Variants in FHIT observed in about 807,000 individuals in gnomAD.
The protein encoded by FHIT is bis(5'-adenosyl)-triphosphatase.
Under a neutral mutation model 17.9 loss-of-function variants are expected in FHIT, and 19 were observed. The observed-to-expected ratio is 1.06, with a 90% confidence interval of 0.74 to 1.56. The LOEUF is 1.56. FHIT is among the 40% of genes most tolerant of loss of function. FHIT has a pLI of 0.00. For synonymous variants in FHIT, 81 were observed against 69.7 expected, an observed-to-expected ratio of 1.16 and a Z score of -0.81; for missense variants, 248 against 189.2, an observed-to-expected ratio of 1.31 and a Z score of -1.82.
At chr3:61,169,125 A>G (rs778293745) in intron 2 of FHIT, among the ~76,000 whole-genome samples, 2 of 152,140 alleles carry the variant, frequency 1.3e-5, no homozygotes, top group Non-Finnish European at 2.9e-5. Context: ...CACATCATCT[A>G]TAAACACACT....
intron 8 of FHIT, 72 bp from the exon 9 acceptor site, chr3:59,752,393 T>TG (rs1700965171): frequency 8.4e-7 from 1 of 1,187,776 alleles, no homozygotes; most frequent in Non-Finnish European, 1.2e-6. Context: ...TTCGGGGGGC[T>TG]GGGGGAGACT....
At chr3:59,826,322 C>A (rs1479652954) in intron 8 of FHIT, among the ~76,000 whole-genome samples, 1 of 152,098 alleles carries the variant, frequency 6.6e-6, no homozygotes, top group Non-Finnish European at 1.5e-5. Flanking sequence ...TGTTGGATCA[C>A]CCTACTTTAA....
chr3:60,573,342 T>C (rs2037451103), intron 4 of FHIT, among the ~76,000 whole-genome samples: 1 of 152,166 alleles, frequency 6.6e-6, no homozygotes, highest in African/African-American at 2.4e-5. Context: ...CCATCTCCTT[T>C]AGAATTTGAA....
intron 5 of FHIT, among the ~76,000 whole-genome samples, chr3:60,245,026 C>T (rs1576362150): frequency 6.6e-6 from 1 of 151,962 alleles, no homozygotes; most frequent in Non-Finnish European, 1.5e-5. Flanking sequence ...TTAGCGGCAG[C>T]AGCTGTTTAA....
At chr3:60,417,777 C>T (rs1352149165) in intron 5 of FHIT, among the ~76,000 whole-genome samples, 2 of 152,170 alleles carry the variant, frequency 1.3e-5, no homozygotes, top group Non-Finnish European at 2.9e-5. Context: ...CATTACTCAA[C>T]ACCTGTTAAC....
At chr3:60,725,540 T>C (rs2041900567) in intron 4 of FHIT, among the ~76,000 whole-genome samples, 1 of 152,196 alleles carries the variant, frequency 6.6e-6, no homozygotes, top group African/African-American at 2.4e-5. Context: ...TTTGCATCAC[T>C]CCAAGACATA....
At chr3:59,948,801 C>A (rs1706966606) in intron 7 of FHIT, among the ~76,000 whole-genome samples, 1 of 152,082 alleles carries the variant, frequency 6.6e-6, no homozygotes, top group African/African-American at 2.4e-5. Flanking sequence ...CTTTTGTCCA[C>A]TCTACTTGTA....
chr3:60,285,272 AT>A (rs1369690040), intron 5 of FHIT, among the ~76,000 whole-genome samples: 1 of 152,168 alleles, frequency 6.6e-6, no homozygotes, highest in African/African-American at 2.4e-5. Context: ...TTTTAAAAAA[AT>A]AAACATTTGC....
At chr3:60,348,069 T>C (rs1442328850) in intron 5 of FHIT, among the ~76,000 whole-genome samples, 1 of 152,120 alleles carries the variant, frequency 6.6e-6, no homozygotes, top group East Asian at 1.9e-4. Flanking sequence ...TACCCTTTCA[T>C]TTTAAAAAGA....
At chr3:60,019,176 C>G (rs1210283524) in intron 5 of FHIT, among the ~76,000 whole-genome samples, 1 of 152,138 alleles carries the variant, frequency 6.6e-6, no homozygotes, top group Non-Finnish European at 1.5e-5. Flanking sequence ...GATGCAGAAT[C>G]TCTGAATTTG....
Position 60,014,088 on chromosome 3 carries a change from G to A in FHIT, c.168C>T (p.Ala56=), listed in dbSNP as rs755250330. The stretch of plus-strand genomic sequence containing the variant: ...CTCTCTGGGTCGTCTGAAACAAATC[G>A]GCCACTTCATCAGGACGCAGGTCAT... ...RFHDLRPDEV[A]DLFQTTQRVG... The change falls in exon 6 of 10, where the codon GCC becomes GCT. Residue 56 remains alanine (A), a synonymous_variant. Coordinates refer to ENST00000492590, the MANE Select transcript of FHIT (RefSeq NM_002012.4). 21 of 1,613,798 alleles carry A rather than the reference G, an allele frequency of 1.3e-5. No homozygotes were observed. The highest frequency in any genetic ancestry group is 1.7e-5 in the Admixed American group (1 of 59,976).
Position 60,103,214 on chromosome 3 carries a change from T to G in FHIT, c.104-89062A>C, listed in dbSNP as rs111570393. 2.5e-3 allele frequency among the ~76,000 whole-genome samples: 383 copies of G among 152,334 alleles called. 1 individual carries two copies. The highest frequency in any genetic ancestry group is 8.7e-3 in the African/African-American group (361 of 41,570). ...CTAGACTTGACAGACTTGTTTTTACTTGATAAACACATTGTATATTGTAGG... is the reference window on the plus strand; with the variant it reads ...CTAGACTTGACAGACTTGTTTTTACGTGATAAACACATTGTATATTGTAGG... On this transcript the variant is annotated intron_variant, in intron 5 of 9. Transcript: ENST00000492590.
At chr3:60,064,481 T>C (rs1265703448) in intron 5 of FHIT, among the ~76,000 whole-genome samples, 1 of 152,180 alleles carries the variant, frequency 6.6e-6, no homozygotes, top group Admixed American at 6.5e-5. Flanking sequence ...CAGACAGTAC[T>C]TCTAGAATTT....
intron 1 of FHIT, among the ~76,000 whole-genome samples, chr3:61,235,212 C>T (rs2040198530): frequency 6.6e-6 from 1 of 152,176 alleles, no homozygotes; most frequent in African/African-American, 2.4e-5. Context: ...TATTAGAGCT[C>T]AAGCTCCCTA....
intron 4 of FHIT, among the ~76,000 whole-genome samples, chr3:60,796,535 GT>G (rs1700986540): frequency 6.6e-6 from 1 of 152,108 alleles, no homozygotes. Context: ...TTCAAGTTGG[GT>G]TTAAAATGTT....
chr3:60,588,957 C>T (rs1453055589), intron 4 of FHIT, among the ~76,000 whole-genome samples: 3 of 151,966 alleles, frequency 2.0e-5, no homozygotes, highest in Non-Finnish European at 4.4e-5. Context: ...GATGATGACA[C>T]ATATGTGAGA....
At chr3:60,770,042 C>G (rs1699988942) in intron 4 of FHIT, among the ~76,000 whole-genome samples, 1 of 152,134 alleles carries the variant, frequency 6.6e-6, no homozygotes, top group Admixed American at 6.5e-5. Context: ...AAATGAAGTT[C>G]CTGCTCAGCA....
At chr3:60,160,111 C>T (rs993607856) in intron 5 of FHIT, among the ~76,000 whole-genome samples, 13 of 145,032 alleles carry the variant, frequency 9.0e-5, no homozygotes, top group Non-Finnish European at 1.2e-4. Context: ...AAAACTAATC[C>T]CATTCTGTGC....
chr3:60,991,179 A>G (rs2030179392), intron 3 of FHIT, among the ~76,000 whole-genome samples: 1 of 152,208 alleles, frequency 6.6e-6, no homozygotes, highest in Non-Finnish European at 1.5e-5. Context: ...GGAATCAGCC[A>G]TAAAAAGATC....
Sources: allele counts gnomAD v4.1 joint callset (sites outside exome capture counted in the v4.1 genomes callset), GRCh38; gene constraint gnomAD v4.1.1; transcripts MANE v1.5; gene names NCBI Gene and HGNC (gene_info 2026-07-23, HGNC 2026-07-21).